Variants in LCLAT1 observed in about 807,000 individuals in gnomAD.
The protein encoded by LCLAT1 is 1-AGP acyltransferase 8.
Under a neutral mutation model 30.7 loss-of-function variants are expected in LCLAT1, and 11 were observed. The ratio of observed to expected loss-of-function variants is 0.36; its 90% CI spans 0.23 to 0.59. The LOEUF is 0.59. Among genes scored for constraint, LCLAT1 ranks in the 20% least tolerant of loss-of-function variants. The pLI is 0.77. For synonymous variants in LCLAT1, 155 were observed against 151.3 expected (o/e 1.02, Z -0.18); for missense variants, 402 against 458.6 (o/e 0.88, Z 1.13).
At chr2:30,500,960 A>T (rs909194109) in intron 1 of LCLAT1, among the ~76,000 whole-genome samples, 6 of 152,140 alleles carry the variant, frequency 3.9e-5, no homozygotes, top group South Asian at 2.1e-4. Context: ...CCGTATCTGG[A>T]CAATGAGACA....
chr2:30,600,740 T>C (rs1464937837), intron 5 of LCLAT1, among the ~76,000 whole-genome samples: 1 of 152,144 alleles, frequency 6.6e-6, no homozygotes, highest in Non-Finnish European at 1.5e-5. Context: ...CCTTTGAGAA[T>C]CTGATGATTA....
intron 4 of LCLAT1, among the ~76,000 whole-genome samples, chr2:30,564,988 C>T (rs2148445157): frequency 6.6e-6 from 1 of 152,196 alleles, no homozygotes; most frequent in East Asian, 1.9e-4. Flanking sequence ...TAAGTGAACA[C>T]TATTTTAATT....
At chr2:30,468,033 G>T (rs867495799) in intron 1 of LCLAT1, among the ~76,000 whole-genome samples, 12 of 152,270 alleles carry the variant, frequency 7.9e-5, no homozygotes, top group South Asian at 2.1e-4. Context: ...GTCCTGAATG[G>T]TATTGCCTAG....
In LCLAT1 at chr2:30,594,239, A is replaced by C. The variant is rs1473652893; in HGVS notation, c.628+26063A>C. On this transcript the variant is annotated intron_variant, in intron 5 of 5. Transcript: ENST00000379509. ...CAAGTTTCATAAACTTGTTCCTGAC[A>C]GAATACATGTGTTTCTCCATATTCA... Among the ~76,000 whole-genome samples the C allele has an allele frequency of 2.6e-5, 4 of 152,268 alleles. No homozygotes were observed. In the Middle Eastern group the frequency reaches 0.01, roughly 388 times the overall value.
At chr2:30,526,877 A>G (rs1321206111) in intron 2 of LCLAT1, among the ~76,000 whole-genome samples, 1 of 152,196 alleles carries the variant, frequency 6.6e-6, no homozygotes, top group Non-Finnish European at 1.5e-5. Flanking sequence ...TTTAGAGGAC[A>G]GAAGTTGACT....
chr2:30,599,688 A>G (rs1027284747), intron 5 of LCLAT1, among the ~76,000 whole-genome samples: 1 of 151,898 alleles, frequency 6.6e-6, no homozygotes, highest in African/African-American at 2.4e-5. Context: ...TGAACCCTTT[A>G]TCATTATATA....
intron 1 of LCLAT1, among the ~76,000 whole-genome samples, chr2:30,455,015 T>G (rs1371678312): frequency 2.6e-5 from 4 of 152,230 alleles, no homozygotes; most frequent in Non-Finnish European, 5.9e-5. Context: ...AGTCTTCTTT[T>G]GCTAGGCTAC....
At chr2:30,524,295 C>A (rs901761804) in intron 1 of LCLAT1, among the ~76,000 whole-genome samples, 1 of 152,140 alleles carries the variant, frequency 6.6e-6, no homozygotes, top group Non-Finnish European at 1.5e-5. Flanking sequence ...TCTACTTAAT[C>A]CTTCAACTCA....
At chr2:30,517,105 G>T (rs1273925217) in intron 1 of LCLAT1, among the ~76,000 whole-genome samples, 2 of 152,072 alleles carry the variant, frequency 1.3e-5, no homozygotes, top group African/African-American at 4.8e-5. Context: ...ATACCTCCTG[G>T]GTCCCAACCA....
At chr2:30,463,145 A>G (rs540488244) in intron 1 of LCLAT1, among the ~76,000 whole-genome samples, 25 of 151,884 alleles carry the variant, frequency 1.6e-4, no homozygotes, top group South Asian at 4.1e-4. Flanking sequence ...ATATTTATAC[A>G]TTTATATATT....
At chr2:30,469,336 A>G (rs1484269204) in intron 1 of LCLAT1, among the ~76,000 whole-genome samples, 1 of 151,604 alleles carries the variant, frequency 6.6e-6, no homozygotes, top group Non-Finnish European at 1.5e-5. Flanking sequence ...GTGAAGATTT[A>G]CCTTTGTTTT....
chr2:30,546,240 A>G (rs1256247162), intron 3 of LCLAT1, among the ~76,000 whole-genome samples: 1 of 152,192 alleles, frequency 6.6e-6, no homozygotes, highest in African/African-American at 2.4e-5. Flanking sequence ...TCACAGGATA[A>G]TGGAAACTGG....
chr2:30,543,634 G>A (rs1160662444), intron 3 of LCLAT1, among the ~76,000 whole-genome samples: 1 of 152,006 alleles, frequency 6.6e-6, no homozygotes, highest in Non-Finnish European at 1.5e-5. Context: ...TAGTTCATCT[G>A]TTTCTTGTAA....
intron 1 of LCLAT1, among the ~76,000 whole-genome samples, chr2:30,477,456 A>G (rs1683105147): frequency 6.6e-6 from 1 of 152,188 alleles, no homozygotes; most frequent in African/African-American, 2.4e-5. Flanking sequence ...AAGGTAGGTC[A>G]TTCTCATTTC....
chr2:30,501,283 C>T (rs898120803), intron 1 of LCLAT1, among the ~76,000 whole-genome samples: 2 of 152,112 alleles, frequency 1.3e-5, no homozygotes, highest in African/African-American at 4.8e-5. Flanking sequence ...GCAGCAGGGA[C>T]CTAGACCAAA....
chr2:30,482,986 T>TA (rs1365410331), intron 1 of LCLAT1, among the ~76,000 whole-genome samples: 1 of 152,144 alleles, frequency 6.6e-6, no homozygotes, highest in African/African-American at 2.4e-5. Flanking sequence ...ACATGATGGC[T>TA]AAATGTAATG....
rs187415975 is a variant in LCLAT1, at chr2:30,567,840, C to T, written c.512-220C>T. On this transcript the variant is annotated intron_variant, in intron 4 of 5. Coordinates refer to ENST00000379509, the MANE Select transcript of LCLAT1 (RefSeq NM_001002257.3). ...AACTTGGCCTCTTGTGTTTGGCTTT[C>T]GAGCAGCAAATAGCCAAACCTGGGT... Among the ~76,000 whole-genome samples the T allele has an allele frequency of 2.5e-3, 382 of 152,254 alleles. 1 individual carries two copies. Among genetic ancestry groups the T allele is most frequent in the Non-Finnish European group, 4.9e-3 (334 of 68,012 alleles).
At chr2:30,538,072 C>G (rs1157597780) in intron 3 of LCLAT1, among the ~76,000 whole-genome samples, 1 of 151,594 alleles carries the variant, frequency 6.6e-6, no homozygotes, top group Admixed American at 6.6e-5. Flanking sequence ...TAGGATACAG[C>G]AAAAGCAGTA....
intron 5 of LCLAT1, among the ~76,000 whole-genome samples, chr2:30,578,522 C>A (rs1666083486): frequency 6.6e-6 from 1 of 152,104 alleles, no homozygotes; most frequent in African/African-American, 2.4e-5. Flanking sequence ...GCATTAAGTT[C>A]TTGGTGACTT....
Sources: allele counts gnomAD v4.1 joint callset (sites outside exome capture counted in the v4.1 genomes callset), GRCh38; gene constraint gnomAD v4.1.1; transcripts MANE v1.5; gene names NCBI Gene and HGNC (gene_info 2026-07-23, HGNC 2026-07-21).